Variants in HMCN1 observed in about 807,000 individuals in gnomAD.
The protein encoded by HMCN1 is hemicentin-1.
In HMCN1, 321 loss-of-function variants were observed where a neutral mutation model predicts 625.9. The observed-to-expected ratio is 0.51, with a 90% CI of 0.47 to 0.56. The LOEUF (loss-of-function observed/expected upper bound fraction) is 0.56, where lower values mean the gene tolerates loss of function less well. Ranked by LOEUF, HMCN1 falls within the 20% of genes least tolerant of loss-of-function variation. The probability of loss-of-function intolerance (pLI) is 0.00; values close to 1 mark genes in which losing one functional copy is unlikely to be tolerated. For missense variants in HMCN1, 6,588 were observed against 6,887.3 expected (o/e 0.96, Z 1.54); for synonymous variants, 2,425 against 2,417.6 (o/e 1.00, Z -0.09).
chr1:186,124,450 TG>T (rs2102499059), intron 81 of HMCN1, among the ~76,000 whole-genome samples: 1 of 152,156 alleles, frequency 6.6e-6, no homozygotes, highest in East Asian at 1.9e-4. Context: ...GCTGCAAGTT[TG>T]TATCCCGTAA....
At chr1:185,985,097 T>G (rs1196126500) in intron 19 of HMCN1, among the ~76,000 whole-genome samples, 2 of 152,218 alleles carry the variant, frequency 1.3e-5, no homozygotes, top group Non-Finnish European at 2.9e-5. Flanking sequence ...CAATTTTGTT[T>G]GGTCTATTGA....
chr1:185,998,832 T>C (rs1335957638), intron 25 of HMCN1, among the ~76,000 whole-genome samples: 1 of 152,172 alleles, frequency 6.6e-6, no homozygotes, highest in Non-Finnish European at 1.5e-5. Flanking sequence ...TGTTTGTTCA[T>C]TTACATTTTT....
chr1:186,164,768 A>T (rs527986934), intron 97 of HMCN1, among the ~76,000 whole-genome samples: 45 of 152,338 alleles, frequency 3.0e-4, no homozygotes, highest in African/African-American at 8.7e-4. Context: ...GTAAAACCGG[A>T]TAGCAATGGC....
intron 106 of HMCN1, among the ~76,000 whole-genome samples, chr1:186,188,491 A>G (rs994286533): frequency 2.0e-5 from 3 of 152,166 alleles, no homozygotes; most frequent in African/African-American, 7.2e-5. Flanking sequence ...CATCTTGCTT[A>G]TATTTCCTTC....
intron 1 of HMCN1, among the ~76,000 whole-genome samples, chr1:185,790,563 A>G (rs1229304616): frequency 1.3e-5 from 2 of 152,220 alleles, no homozygotes; most frequent in African/African-American, 4.8e-5. Flanking sequence ...GCACCAAAGG[A>G]AAAGTGGAGA....
At chr1:185,895,803 T>G (rs1157460782) in intron 4 of HMCN1, among the ~76,000 whole-genome samples, 1 of 152,196 alleles carries the variant, frequency 6.6e-6, no homozygotes, top group African/African-American at 2.4e-5. Flanking sequence ...ACATTGTCAT[T>G]GGGTAAAGAA....
At chr1:185,737,495 GA>G (rs1389492518) in intron 1 of HMCN1, among the ~76,000 whole-genome samples, 3 of 152,116 alleles carry the variant, frequency 2.0e-5, no homozygotes, top group Non-Finnish European at 4.4e-5. Flanking sequence ...AGTGACATTA[GA>G]AAACTATATT....
chr1:186,119,327 T>A, intron 78 of HMCN1, 29 bp downstream of exon 78: 2 of 1,545,990 alleles, frequency 1.3e-6, no homozygotes, highest in Non-Finnish European at 1.8e-6. Flanking sequence ...TCATTCAAAG[T>A]TCGCTGGGTT....
Position 186,048,633 on chromosome 1 carries a change from A to G in HMCN1, c.6481-110A>G, listed in dbSNP as rs549229502. The G allele has an allele frequency of 6.0e-5, 43 of 721,544 alleles. No individual in the cohort carries two copies. In the East Asian group the frequency reaches 1.1e-3, roughly 19 times the overall value. The allele number at this position is 721,544 out of a possible 1,614,324, so 44.7% of individuals were successfully genotyped here. On this transcript the variant is annotated intron_variant, in intron 41 of 106. Transcript: ENST00000271588. ...TATTGCTATTTTGTCTATTTTTTAT[A>G]TGTATGTGAATCTTCAGAATAAAAA...
intron 1 of HMCN1, among the ~76,000 whole-genome samples, chr1:185,796,812 G>A (rs1262019670): frequency 6.6e-6 from 1 of 152,176 alleles, no homozygotes; most frequent in African/African-American, 2.4e-5. Flanking sequence ...AAACACGAGT[G>A]CAGATACCCT....
intron 97 of HMCN1, among the ~76,000 whole-genome samples, chr1:186,159,931 C>T (rs1193576599): frequency 6.6e-6 from 1 of 152,040 alleles, no homozygotes; most frequent in Non-Finnish European, 1.5e-5. Flanking sequence ...TGATGCTGGC[C>T]TCATAAAATG....
At chr1:186,186,992 T>TACACACACA (rs1653353745) in intron 105 of HMCN1, among the ~76,000 whole-genome samples, 1 of 95,432 alleles carries the variant, frequency 1.0e-5, no homozygotes, top group African/African-American at 4.4e-5. Flanking sequence ...TCTGTCTCTG[T>TACACACACA]CTCACACACA....
chr1:186,028,061 C>T (rs1368164807), intron 36 of HMCN1, among the ~76,000 whole-genome samples: 1 of 152,028 alleles, frequency 6.6e-6, no homozygotes, highest in Non-Finnish European at 1.5e-5. Context: ...CACAATTTCA[C>T]TAGATAGAGA....
intron 46 of HMCN1, among the ~76,000 whole-genome samples, chr1:186,058,906 A>G (rs1446479058): frequency 6.6e-6 from 1 of 151,980 alleles, no homozygotes; most frequent in Admixed American, 6.6e-5. Context: ...AAGAATGTAC[A>G]TTACCATTAA....
chr1:186,045,340 CTT>C (rs1174411762), intron 40 of HMCN1, among the ~76,000 whole-genome samples: 4 of 152,074 alleles, frequency 2.6e-5, no homozygotes, highest in African/African-American at 4.8e-5. Flanking sequence ...CGTATTCACT[CTT>C]AGCTTATTAT....
At chr1:186,013,248 T>A (rs140884329) in intron 30 of HMCN1, among the ~76,000 whole-genome samples, 2 of 152,320 alleles carry the variant, frequency 1.3e-5, no homozygotes, top group African/African-American at 4.8e-5. Flanking sequence ...AGTTTGAGTT[T>A]CATATAATTT....
chr1:186,048,717 A>C, intron 41 of HMCN1, 26 bp from the exon 42 acceptor site: 1 of 1,381,818 alleles, frequency 7.2e-7, no homozygotes, highest in African/African-American at 1.4e-5. Flanking sequence ...AGAAAGTGTG[A>C]TTTCAAAGGA....
intron 4 of HMCN1, among the ~76,000 whole-genome samples, chr1:185,886,474 CATT>C: frequency 6.6e-6 from 1 of 152,048 alleles, no homozygotes; most frequent in Non-Finnish European, 1.5e-5. Context: ...ACTTGTTTCT[CATT>C]ATAAGTCTTT....
chr1:186,086,306 T>A lies in HMCN1; in HGVS notation c.8945T>A (p.Ile2982Asn). 6.2e-7 allele frequency: 1 copy of A among 1,613,324 alleles called. No individual in the cohort carries two copies. Among genetic ancestry groups the A allele is most frequent in the South Asian group, 1.1e-5 (1 of 91,074 alleles). Residue 2982 changes from isoleucine (I) to asparagine (N), a missense_variant, in exon 58 of 107, where the codon ATC (isoleucine) becomes AAC (asparagine). Coordinates refer to ENST00000271588, the MANE Select transcript of HMCN1 (RefSeq NM_031935.3). ...ENLTVVVNNF[I>N]SLTCEVSGFP... ...CTTACCGTCGTGGTGAACAATTTCA[T>A]CTCTTTGACCTGTGAGGTCTCTGGT...
Sources: allele counts gnomAD v4.1 joint callset (sites outside exome capture counted in the v4.1 genomes callset), GRCh38; gene constraint gnomAD v4.1.1; transcripts MANE v1.5; gene names NCBI Gene and HGNC (gene_info 2026-07-23, HGNC 2026-07-21).